PHAF1: variants seen among roughly 807,000 people sequenced by gnomAD.
The protein encoded by PHAF1 is phagophore assembly factor 1, also known as phagosome assembly factor 1.
PHAF1 carries 23 observed loss-of-function variants against 63.1 expected under a neutral mutation model. That is an observed-to-expected ratio of 0.36 (90% confidence interval 0.26 to 0.52). PHAF1 has a LOEUF of 0.52. Ranked by LOEUF, PHAF1 falls within the 20% of genes least tolerant of loss-of-function variation. The pLI is 0.93. For synonymous variants in PHAF1, 167 were observed against 185.0 expected (o/e 0.90, Z 0.79); for missense variants, 427 against 517.2 (o/e 0.83, Z 1.69).
At chr16:67,126,595 GT>G (rs60445297) in intron 3 of PHAF1, among the ~76,000 whole-genome samples, 108 of 134,170 alleles carry the variant, frequency 8.0e-4, no homozygotes, top group Middle Eastern at 3.8e-3. Context: ...TTTGTTTTTG[GT>G]TTTTTTTTTT....
At chr16:67,133,048 A>G (rs1963467983) in intron 6 of PHAF1, 137 bp downstream of exon 6, 1 of 730,160 alleles carries the variant, frequency 1.4e-6, no homozygotes, top group African/African-American at 1.8e-5. Context: ...TGAGCTCTAC[A>G]GGGTAAAGTG....
chr16:67,118,014 G>C (rs1962810517), intron 1 of PHAF1, among the ~76,000 whole-genome samples: 1 of 149,534 alleles, frequency 6.7e-6, no homozygotes, highest in African/African-American at 2.5e-5. Context: ...GAGTGCAGTG[G>C]CGCAATCTTG....
intron 1 of PHAF1, among the ~76,000 whole-genome samples, chr16:67,118,895 C>T (rs914494561): frequency 6.6e-6 from 1 of 151,166 alleles, no homozygotes; most frequent in South Asian, 2.1e-4. Flanking sequence ...TCACCTTAGC[C>T]ACCCCAGGAC....
chr16:67,126,481 G>GT (rs1411579849), intron 3 of PHAF1, among the ~76,000 whole-genome samples: 12 of 152,156 alleles, frequency 7.9e-5, no homozygotes, highest in Non-Finnish European at 1.2e-4. Flanking sequence ...TAACCCTGGG[G>GT]AGGAAATGTA....
At chr16:67,144,967 T>A in intron 12 of PHAF1, 90 bp downstream of exon 12, 1 of 1,486,274 alleles carries the variant, frequency 6.7e-7, no homozygotes, top group Non-Finnish European at 9.4e-7. Flanking sequence ...AGTGGTTGGA[T>A]GTGTGGAGCT....
intron 2 of PHAF1, among the ~76,000 whole-genome samples, 178 bp downstream of exon 2, chr16:67,120,372 A>G (rs1333659373): frequency 6.6e-6 from 1 of 152,092 alleles, no homozygotes; most frequent in African/African-American, 2.4e-5. Context: ...GCTCTTGATT[A>G]TCTAGTACAG....
chr16:67,129,084 C>G (rs542771040), intron 3 of PHAF1, among the ~76,000 whole-genome samples: 2 of 152,304 alleles, frequency 1.3e-5, no homozygotes, highest in Non-Finnish European at 1.5e-5. Context: ...CTCTGCTAGA[C>G]AAGGCTCTGG....
chr16:67,146,486 C>G (rs1356027427), intron 15 of PHAF1, 136 bp downstream of exon 15: 1 of 910,522 alleles, frequency 1.1e-6, no homozygotes, highest in Non-Finnish European at 1.8e-6. Context: ...GCAACCGTGT[C>G]TGCTGCATAC....
intron 10 of PHAF1, among the ~76,000 whole-genome samples, chr16:67,143,438 C>T (rs1963880360): frequency 6.6e-6 from 1 of 152,112 alleles, no homozygotes; most frequent in African/African-American, 2.4e-5. Flanking sequence ...AAGGAATCCT[C>T]CTGCCTTGGC....
At chr16:67,134,046 A>T in intron 6 of PHAF1, 122 bp from the exon 7 acceptor site, 2 of 772,302 alleles carry the variant, frequency 2.6e-6, no homozygotes, top group Non-Finnish European at 4.4e-6. Context: ...AGCCAGGTTT[A>T]AGGGTGTACT....
chr16:67,132,522 G>A lies in PHAF1; in HGVS notation c.352G>A (p.Gly118Arg), dbSNP rs781520128. 6.2e-7 allele frequency: 1 copy of A among 1,613,664 alleles called. No homozygotes were observed. Among genetic ancestry groups the A allele is most frequent in the Non-Finnish European group, 8.5e-7 (1 of 1,179,596 alleles). ...IDQSFGATHP[G>R]VYNSAEQLFH... ...CCAGTCTTTTGGCGCAACCCATCCT[G>A]GAGGTAAGCCAAGTCCATCTGATTC... Residue 118 changes from glycine to arginine, a missense_variant, in exon 5 of 16, where the codon GGA (glycine) becomes AGA (arginine). Physicochemically the swap from Gly to Arg is moderately radical, Grantham distance 125 (BLOSUM62 -2). Transcript: ENST00000219139.
chr16:67,111,960 T>C (rs1962534461), intron 1 of PHAF1, among the ~76,000 whole-genome samples: 2 of 152,164 alleles, frequency 1.3e-5, no homozygotes, highest in Admixed American at 6.5e-5. Flanking sequence ...CCAAATTCTT[T>C]CATAACTTAA....
At chr16:67,123,067 T>A (rs1963049043) in intron 2 of PHAF1, among the ~76,000 whole-genome samples, 1 of 150,106 alleles carries the variant, frequency 6.7e-6, no homozygotes, top group Non-Finnish European at 1.5e-5. Context: ...GGAGATGGTC[T>A]CTCAGAACTC....
At position 67,110,141 on chromosome 16, in the gene PHAF1, G is replaced by T. The variant is rs763016633; in HGVS notation, c.-35G>T. The T allele has an allele frequency of 1.3e-6, 2 of 1,549,584 alleles. No homozygotes were observed. The highest frequency in any genetic ancestry group is 1.7e-6 in the Non-Finnish European group (2 of 1,146,730). Reference sequence around the variant, plus strand: ...TAGCTCGGGTCCCTTCTGCGCTGCCGCAGGGAGGCCGCCCGGGCCAGGCGA... The same window carrying T: ...TAGCTCGGGTCCCTTCTGCGCTGCCTCAGGGAGGCCGCCCGGGCCAGGCGA... On this transcript the variant is annotated 5_prime_UTR_variant, in exon 1 of 16. Coordinates refer to ENST00000219139, the MANE Select transcript of PHAF1 (RefSeq NM_025187.5).
intron 6 of PHAF1, among the ~76,000 whole-genome samples, chr16:67,133,190 T>A (rs1244360647): frequency 1.3e-5 from 2 of 152,196 alleles, no homozygotes; most frequent in African/African-American, 2.4e-5. Flanking sequence ...ATTTTCAAGC[T>A]CCTAATCAAC....
At chr16:67,138,858 CTTG>C (rs1225914368) in intron 8 of PHAF1, among the ~76,000 whole-genome samples, 3 of 152,084 alleles carry the variant, frequency 2.0e-5, no homozygotes, top group Non-Finnish European at 4.4e-5. Context: ...CTTCACTCTA[CTTG>C]TTGATAGAGC....
intron 1 of PHAF1, among the ~76,000 whole-genome samples, chr16:67,118,406 G>A (rs1391141042): frequency 1.5e-5 from 2 of 136,868 alleles, no homozygotes; most frequent in African/African-American, 5.5e-5. Flanking sequence ...GCGCTATCTC[G>A]GTTCACTACA....
chr16:67,140,930 A>C (rs1017564283), intron 10 of PHAF1, among the ~76,000 whole-genome samples: 2 of 152,174 alleles, frequency 1.3e-5, no homozygotes, highest in Non-Finnish European at 2.9e-5. Context: ...TTCTTGAGTC[A>C]CAAAATGGAG....
chr16:67,144,270 G>C, intron 10 of PHAF1, 24 bp from the exon 11 acceptor site: 1 of 1,570,838 alleles, frequency 6.4e-7, no homozygotes, highest in South Asian at 1.1e-5. Flanking sequence ...TTCCCTCCTT[G>C]AGTACCCTTG....
Sources: gnomAD v4.1 joint callset for allele counts (sites outside exome capture counted in the v4.1 genomes callset) on GRCh38, gnomAD v4.1.1 for gene constraint, MANE v1.5 for transcripts, NCBI Gene and HGNC (gene_info 2026-07-23, HGNC 2026-07-21) for gene names.